The following KDM4C variants were observed in gnomAD, a reference collection of about 807,000 sequenced individuals.
KDM4C encodes the protein lysine-specific demethylase 4C.
KDM4C carries 81 observed loss-of-function variants against 129.3 expected under a neutral mutation model. The observed-to-expected ratio is 0.63, with a 90% CI of 0.52 to 0.75. KDM4C has a LOEUF of 0.75. KDM4C is among the 30% of genes least tolerant of loss of function. The pLI, the probability that KDM4C is intolerant of heterozygous loss-of-function variation, is 0.00. For synonymous variants in KDM4C, 573 were observed against 456.1 expected (o/e 1.26, Z -3.26); for missense variants, 1,457 against 1,304.0 (o/e 1.12, Z -1.81).
chr9:7,025,685 G>A (rs765755510), intron 15 of KDM4C, among the ~76,000 whole-genome samples: 14 of 152,116 alleles, frequency 9.2e-5, no homozygotes, highest in Non-Finnish European at 1.9e-4. Context: ...TTAACTTTTT[G>A]TTGTCTCTGT....
At chr9:7,119,098 C>T (rs924820668) in intron 18 of KDM4C, among the ~76,000 whole-genome samples, 1 of 152,096 alleles carries the variant, frequency 6.6e-6, no homozygotes, top group Admixed American at 6.6e-5. Context: ...AAGTTAGATT[C>T]CCGTGTCAGG....
Position 7,155,560 on chromosome 9 carries a change from G to A in KDM4C, c.2782-9678G>A, listed in dbSNP as rs778725065. The stretch of plus-strand genomic sequence containing the variant: ...GTGTGATGTTCCCTGCCCTGTGTCC[G>A]TGTGATCTCATTGTTCAGTTCCCAC... On this transcript the variant is annotated intron_variant, in intron 19 of 21. Transcript: ENST00000381309. Among the ~76,000 whole-genome samples, 11 of 152,010 alleles carry A rather than the reference G, an allele frequency of 7.2e-5. No individual in the cohort carries two copies. In the East Asian group the frequency reaches 2.1e-3, roughly 30 times the overall value.
intron 5 of KDM4C, among the ~76,000 whole-genome samples, chr9:6,863,793 CAAAAAAA>C (rs999369554): frequency 1.4e-5 from 1 of 70,300 alleles, no homozygotes; most frequent in Admixed American, 1.6e-4. Flanking sequence ...GACTCCATCT[CAAAAAAA>C]AAAAAAAAAA....
At chr9:6,953,483 C>G (rs960637334) in intron 8 of KDM4C, among the ~76,000 whole-genome samples, 2 of 152,192 alleles carry the variant, frequency 1.3e-5, no homozygotes, top group Non-Finnish European at 2.9e-5. Context: ...TCAAATTGCT[C>G]TGGAGGCTGT....
intron 15 of KDM4C, among the ~76,000 whole-genome samples, chr9:7,016,691 G>A (rs1823759084): frequency 6.6e-6 from 1 of 152,018 alleles, no homozygotes; most frequent in Admixed American, 6.6e-5. Context: ...CTCCCAAAAT[G>A]CTAGGATTAC....
chr9:6,914,699 A>G (rs1819989369), intron 8 of KDM4C, among the ~76,000 whole-genome samples: 1 of 152,198 alleles, frequency 6.6e-6, no homozygotes, highest in East Asian at 1.9e-4. Context: ...CACGCCCATG[A>G]ATGGGATTTG....
chr9:7,153,849 G>T (rs1482225086), intron 19 of KDM4C, among the ~76,000 whole-genome samples: 1 of 151,644 alleles, frequency 6.6e-6, no homozygotes, highest in African/African-American at 2.4e-5. Context: ...CTGCAGCTAT[G>T]GGCAAGACCA....
intron 17 of KDM4C, among the ~76,000 whole-genome samples, chr9:7,074,590 C>G (rs1833660712): frequency 6.6e-6 from 1 of 152,148 alleles, no homozygotes; most frequent in African/African-American, 2.4e-5. Context: ...AAGTTTTGAT[C>G]AAGTCCACGT....
chr9:6,801,619 C>T (rs1168381613), intron 2 of KDM4C, among the ~76,000 whole-genome samples: 1 of 108,454 alleles, frequency 9.2e-6, no homozygotes, highest in Non-Finnish European at 1.9e-5. Context: ...TGCAGATATG[C>T]TCTCTCTCTC....
chr9:6,777,854 TAGTC>T (rs113260102), intron 1 of KDM4C, among the ~76,000 whole-genome samples: 11,803 of 152,006 alleles, frequency 0.078, 640 homozygotes, highest in South Asian at 0.23. Flanking sequence ...TTCAGTTTGA[TAGTC>T]AGGATAACTA....
At chr9:6,799,630 CTT>C (rs1385359145) in intron 2 of KDM4C, among the ~76,000 whole-genome samples, 1 of 138,356 alleles carries the variant, frequency 7.2e-6, no homozygotes, top group Non-Finnish European at 1.6e-5. Flanking sequence ...GGAGAGGGCT[CTT>C]TTTTCTTTTC....
intron 17 of KDM4C, among the ~76,000 whole-genome samples, chr9:7,094,072 T>C (rs1836125172): frequency 6.6e-6 from 1 of 152,244 alleles, no homozygotes; most frequent in Admixed American, 6.5e-5. Context: ...GAGGAATAGG[T>C]GCTGTTACCA....
chr9:6,790,605 C>G (rs1158582769), intron 1 of KDM4C, among the ~76,000 whole-genome samples: 3 of 135,520 alleles, frequency 2.2e-5, no homozygotes, highest in African/African-American at 8.6e-5. Context: ...ACCCTTTTAT[C>G]TGCCCCATCC....
At chr9:6,787,359 A>T (rs1382564484) in intron 1 of KDM4C, among the ~76,000 whole-genome samples, 1 of 152,162 alleles carries the variant, frequency 6.6e-6, no homozygotes, top group Non-Finnish European at 1.5e-5. Flanking sequence ...CAGCCTCCCT[A>T]GTAGCTCGGA....
At chr9:6,887,305 G>C (rs1184328271) in intron 6 of KDM4C, among the ~76,000 whole-genome samples, 1 of 152,290 alleles carries the variant, frequency 6.6e-6, no homozygotes, top group East Asian at 1.9e-4. Flanking sequence ...CTGTCTTGGC[G>C]TATAATATAC....
intron 18 of KDM4C, among the ~76,000 whole-genome samples, chr9:7,120,312 T>G (rs1839360050): frequency 6.6e-6 from 1 of 152,312 alleles, no homozygotes; most frequent in East Asian, 1.9e-4. Context: ...TAGCTGTCTT[T>G]TGTTTGAAAT....
chr9:7,070,407 C>T (rs139950011), intron 17 of KDM4C, among the ~76,000 whole-genome samples: 12 of 152,222 alleles, frequency 7.9e-5, no homozygotes, highest in African/African-American at 2.9e-4. Flanking sequence ...CAGCATAACC[C>T]TGATACTCAA....
intron 5 of KDM4C, among the ~76,000 whole-genome samples, chr9:6,876,649 A>G (rs567178195): frequency 1.1e-4 from 16 of 152,278 alleles, no homozygotes; most frequent in Admixed American, 3.3e-4. Context: ...GTTGCCCATC[A>G]AAGTAGTGCC....
chr9:6,938,513 G>A (rs929774703), intron 8 of KDM4C, among the ~76,000 whole-genome samples: 1 of 152,186 alleles, frequency 6.6e-6, no homozygotes, highest in African/African-American at 2.4e-5. Flanking sequence ...GTTTTTGGAA[G>A]ATACTCTAAA....
Sources: allele counts gnomAD v4.1 joint callset (sites outside exome capture counted in the v4.1 genomes callset), GRCh38; gene constraint gnomAD v4.1.1; transcripts MANE v1.5; gene names NCBI Gene and HGNC (gene_info 2026-07-23, HGNC 2026-07-21).